Variants in ACAP1 observed in about 807,000 individuals in gnomAD.
The protein encoded by ACAP1 is ArfGAP with coiled-coil, ankyrin repeat and PH domains 1.
A neutral mutation model predicts 98.8 loss-of-function variants in ACAP1; 45 were observed. The observed-to-expected ratio is 0.46, with a 90% CI of 0.36 to 0.58. The LOEUF is 0.58. Among genes scored for constraint, ACAP1 ranks in the 20% least tolerant of loss-of-function variants. The pLI, the probability that ACAP1 is intolerant of heterozygous loss-of-function variation, is 0.00. For missense variants in ACAP1, 735 were observed against 971.4 expected (o/e 0.76, Z 3.24); for synonymous variants, 362 against 375.3 (o/e 0.96, Z 0.41).
At position 7,336,594 on chromosome 17, in the gene ACAP1, T is replaced by C. The variant is rs1597645690; in HGVS notation, c.-141T>C. The stretch of plus-strand genomic sequence containing the variant: ...CACCCCTTTCCCCTTGGGGAAAGAA[T>C]TGTGCCCCCAGGCCCTTCCCCGCGG... On this transcript the variant is annotated 5_prime_UTR_variant, in exon 1 of 22. Transcript: ENST00000158762. 1.2e-6 allele frequency: 1 copy of C among 810,182 alleles called. No homozygotes were observed. The highest frequency in any genetic ancestry group is 2.1e-6 in the Non-Finnish European group (1 of 483,266). The allele number at this position is 810,182 out of a possible 1,614,324, so 50.2% of individuals were successfully genotyped here.
chr17:7,341,119 A>T (rs1353418581), intron 2 of ACAP1, among the ~76,000 whole-genome samples: 1 of 152,210 alleles, frequency 6.6e-6, no homozygotes, highest in Non-Finnish European at 1.5e-5. Flanking sequence ...ACAGAATGGG[A>T]CAACTCCTAG....
rs2143016844 is a variant in ACAP1 at position 7,343,592 on chromosome 17, A to T, written c.528+30A>T. 6.2e-7 allele frequency: 1 copy of T among 1,602,066 alleles called. No homozygotes were observed. Among genetic ancestry groups the T allele is most frequent in the South Asian group, 1.1e-5 (1 of 89,914 alleles). On this transcript the variant is annotated intron_variant, in intron 6 of 21. Coordinates refer to ENST00000158762, the MANE Select transcript of ACAP1 (RefSeq NM_014716.4). This position sits in a 1 kb window ranked among gnomAD's most constrained non-coding sequence, Gnocchi z 4.9. The stretch of plus-strand genomic sequence containing the variant: ...CTGCCCCAATCTGTCTTCCTGGGGT[A>T]CCAGAGCCTCAAGTGTCACCTCGAG...
At chr17:7,345,799 C>T (rs544120471) in intron 10 of ACAP1, 16 of 171,530 alleles carry the variant, frequency 9.3e-5, no homozygotes, top group African/African-American at 2.9e-4. Flanking sequence ...ATTATAGCCG[C>T]CTGCCACCAC....
At chr17:7,348,567 C>A (rs2074448684) in intron 17 of ACAP1, 92 bp downstream of exon 17, 1 of 1,345,656 alleles carries the variant, frequency 7.4e-7, no homozygotes, top group Non-Finnish European at 9.8e-7. Flanking sequence ...GAAGCCCAGG[C>A]CTTCCGCTGG....
chr17:7,351,031 C>T (rs1477374788), intron 21 of ACAP1, 32 bp downstream of exon 21: 2 of 1,607,966 alleles, frequency 1.2e-6, no homozygotes, highest in Admixed American at 1.7e-5. Context: ...CCCCCCAGGC[C>T]CAACACCTGA....
intron 18 of ACAP1, 120 bp from the exon 19 acceptor site, chr17:7,349,825 C>A: frequency 1.2e-6 from 1 of 800,364 alleles, no homozygotes; most frequent in Non-Finnish European, 2.1e-6. Flanking sequence ...TAACCCCTTC[C>A]ACACTCCTGA....
In ACAP1 at chr17:7,344,696, T is replaced by G. The variant is rs1306347484; in HGVS notation, c.854+48T>G. ...CAGCCCGCCCCACCCAATGATGTAT[T>G]TTCGAGTGGTAATAGCACACTAAGC... On this transcript the variant is annotated intron_variant, in intron 10 of 21. Coordinates refer to ENST00000158762, the MANE Select transcript of ACAP1 (RefSeq NM_014716.4). This position sits in a 1 kb window ranked among gnomAD's most constrained non-coding sequence, Gnocchi z 4.9. 24 of 1,400,402 alleles carry G rather than the reference T, an allele frequency of 1.7e-5. No homozygotes were observed. Among genetic ancestry groups the G allele is most frequent in the Non-Finnish European group, 2.4e-5 (24 of 1,009,830 alleles). The allele number at this position is 1,400,402 out of a possible 1,614,324, so 86.7% of individuals were successfully genotyped here. A position where few individuals can be genotyped will look rare whatever the true frequency, so the allele number is the denominator to read the frequency against.
In ACAP1 at chr17:7,351,401, G is replaced by T; in HGVS notation, c.*6G>T. 1 of 1,599,834 alleles carries T rather than the reference G, an allele frequency of 6.3e-7. No homozygotes were observed. On this transcript the variant is annotated 3_prime_UTR_variant, in exon 22 of 22. Transcript: ENST00000158762. ...ATGACCTCCACACGCTGTGACCCGA[G>T]GCCCACGGGGCCCGCGCCTGCCTCC...
rs2073392341 is a variant in ACAP1 at position 7,350,307 on chromosome 17, G to T, written c.2072+70G>T. 1 of 1,267,884 alleles carries T rather than the reference G, an allele frequency of 7.9e-7. No individual in the cohort carries two copies. The highest frequency in any genetic ancestry group is 1.5e-5 in the African/African-American group (1 of 66,398). The allele number at this position is 1,267,884 out of a possible 1,614,324, so 78.5% of individuals were successfully genotyped here. ...ACCCCCGCCCACCCACGTTCGGGCG[G>T]GCGGGCGGGGCTGACGCCGAAACAG... is the stretch of plus-strand genomic sequence containing the variant. On this transcript the variant is annotated intron_variant, in intron 20 of 21. Transcript: ENST00000158762. The surrounding 1 kb of genome is among the most constrained non-coding windows in gnomAD (Gnocchi z 4.6).
At position 7,350,427 on chromosome 17, in the gene ACAP1, G is replaced by C. The variant is rs1030144721; in HGVS notation, c.2072+190G>C. 5.9e-5 allele frequency: 29 copies of C among 491,678 alleles called. 1 individual carries two copies. Among genetic ancestry groups the C allele is most frequent in the South Asian group, 3.5e-4 (17 of 49,060 alleles). The allele number at this position is 491,678 out of a possible 1,614,324, so 30.5% of individuals were successfully genotyped here. ...GAAGTGTGCACTGGGACGTGGAGTA[G>C]AAGGCAGGCGGGAGGGCGGGCAGGG... On this transcript the variant is annotated intron_variant, in intron 20 of 21. Coordinates refer to ENST00000158762, the MANE Select transcript of ACAP1 (RefSeq NM_014716.4). The surrounding 1 kb of genome is among the most constrained non-coding windows in gnomAD (Gnocchi z 4.6).
intron 5 of ACAP1, 105 bp downstream of exon 5, chr17:7,342,579 A>G: frequency 8.1e-7 from 1 of 1,232,600 alleles, no homozygotes; most frequent in East Asian, 2.4e-5. Context: ...CAACCTAGCC[A>G]ACATGGCGAA....
chr17:7,349,847 C>A, intron 18 of ACAP1, 98 bp from the exon 19 acceptor site: 1 of 974,368 alleles, frequency 1.0e-6, no homozygotes, highest in Non-Finnish European at 1.6e-6. Flanking sequence ...TACCACACTC[C>A]ACCCTCCCAT....
Position 7,336,686 on chromosome 17 carries a change from C to A in ACAP1, c.-49C>A, listed in dbSNP as rs764540302. Reference sequence around the variant, plus strand: ...CAGAAAGTGCCTCCACCTGCATCCCCAGGGGCCCGGCCTCCAGGGCCCGCT... The same window carrying A: ...CAGAAAGTGCCTCCACCTGCATCCCAAGGGGCCCGGCCTCCAGGGCCCGCT... On this transcript the variant is annotated 5_prime_UTR_variant, in exon 1 of 22. Transcript: ENST00000158762. 1.2e-5 allele frequency: 19 copies of A among 1,608,962 alleles called. No homozygotes were observed. The South Asian group carries it at 1.9e-4, about 16-fold the overall frequency.
At chr17:7,351,145 TGGCAA>T in intron 21 of ACAP1, 145 bp from the exon 22 acceptor site, 1 of 1,106,998 alleles carries the variant, frequency 9.0e-7, no homozygotes, top group South Asian at 1.4e-5. Context: ...TGCCAGGCCC[TGGCAA>T]GGCATAGGTG....
At position 7,351,305 on chromosome 17, in the gene ACAP1, G is replaced by C; in HGVS notation, c.2133G>C (p.Thr711=). ...TCCTCCCTCCCCCAGGAGATGAGACGTATCTTGACATCTTCCGCGACTTCT... is the reference window on the plus strand; with the variant it reads ...TCCTCCCTCCCCCAGGAGATGAGACCTATCTTGACATCTTCCGCGACTTCT... ...EAAQGQAGDE[T]YLDIFRDFSL... Residue 711 remains threonine, a synonymous_variant, in exon 22 of 22, where the codon ACG becomes ACC. Transcript: ENST00000158762. 2 of 1,613,266 alleles carry C rather than the reference G, an allele frequency of 1.2e-6. No individual in the cohort carries two copies. The highest frequency in any genetic ancestry group is 1.7e-6 in the Non-Finnish European group (2 of 1,179,476).
At chr17:7,349,587 G>T in intron 18 of ACAP1, 1 of 271,436 alleles carries the variant, frequency 3.7e-6, no homozygotes, top group Non-Finnish European at 7.0e-6. Flanking sequence ...GTGTTAGCCA[G>T]GATGGTCTGG....
chr17:7,347,691 G>T (rs1279991998), intron 14 of ACAP1: 2 of 592,046 alleles, frequency 3.4e-6, no homozygotes, highest in African/African-American at 1.9e-5. Context: ...AGTGATGAGG[G>T]CCTTGAAATG....
intron 12 of ACAP1, 81 bp downstream of exon 12, chr17:7,346,572 G>GC (rs1416861286): frequency 1.1e-5 from 14 of 1,312,142 alleles, no homozygotes; most frequent in South Asian, 7.1e-5. Flanking sequence ...CACAATGGAG[G>GC]CCCCCCATGC....
intron 2 of ACAP1, among the ~76,000 whole-genome samples, chr17:7,340,446 A>G (rs999274502): frequency 1.2e-4 from 18 of 152,118 alleles, no homozygotes; most frequent in African/African-American, 4.3e-4. Context: ...AGGGGCTGAG[A>G]TGGTAAGGAA....
Sources: gnomAD v4.1 joint callset for allele counts (sites outside exome capture counted in the v4.1 genomes callset) on GRCh38, gnomAD v4.1.1 for gene constraint, Gnocchi (gnomAD v3.1) non-coding constraint, MANE v1.5 for transcripts, NCBI Gene and HGNC (gene_info 2026-07-23, HGNC 2026-07-21) for gene names.